The following PRTG variants were observed in gnomAD, a reference collection of about 807,000 sequenced individuals.
PRTG encodes protogenin.
Under a neutral mutation model 122.5 loss-of-function variants are expected in PRTG, and 67 were observed. The ratio of observed to expected loss-of-function variants is 0.55; its 90% confidence interval spans 0.45 to 0.67. The LOEUF is 0.67. Ranked by LOEUF, PRTG falls within the 30% of genes least tolerant of loss-of-function variation. The pLI is 0.00. For synonymous variants in PRTG, 554 were observed against 501.1 expected (o/e 1.11, Z -1.41); for missense variants, 1,435 against 1,415.4 (o/e 1.01, Z -0.22).
intron 2 of PRTG, among the ~76,000 whole-genome samples, chr15:55,699,258 G>A (rs2059648942): frequency 6.6e-6 from 1 of 152,094 alleles, no homozygotes; most frequent in Non-Finnish European, 1.5e-5. Context: ...CTGTTAAACT[G>A]TTAACTGTTA....
intron 2 of PRTG, among the ~76,000 whole-genome samples, chr15:55,708,361 C>A (rs62043872): frequency 4.6e-5 from 7 of 151,920 alleles, no homozygotes; most frequent in African/African-American, 1.7e-4. Flanking sequence ...GTAATCCCAG[C>A]ACTTTGGGAA....
intron 2 of PRTG, among the ~76,000 whole-genome samples, chr15:55,735,130 G>A (rs2031368406): frequency 6.6e-6 from 1 of 152,122 alleles, no homozygotes; most frequent in Admixed American, 6.6e-5. Flanking sequence ...AGTCTTGACT[G>A]ACAATGAAAA....
intron 11 of PRTG, among the ~76,000 whole-genome samples, chr15:55,653,986 T>A (rs2059367058): frequency 6.6e-6 from 1 of 152,246 alleles, no homozygotes; most frequent in Non-Finnish European, 1.5e-5. Context: ...GATGTCTAGA[T>A]AAGAAATATT....
intron 2 of PRTG, among the ~76,000 whole-genome samples, chr15:55,732,946 T>A (rs1241092285): frequency 6.6e-6 from 1 of 152,198 alleles, no homozygotes; most frequent in African/African-American, 2.4e-5. Flanking sequence ...ACGCAGTGGC[T>A]CATGCCTGTA....
intron 16 of PRTG, 60 bp downstream of exon 16, chr15:55,628,762 T>C: frequency 7.4e-7 from 1 of 1,353,624 alleles, no homozygotes; most frequent in Non-Finnish European, 1.0e-6. Context: ...AGAAATAATG[T>C]GTAAGGAAGA....
chr15:55,701,143 G>A (rs973727761), intron 2 of PRTG, among the ~76,000 whole-genome samples: 2 of 152,196 alleles, frequency 1.3e-5, no homozygotes, highest in Admixed American at 1.3e-4. Context: ...AGGATATGGA[G>A]TACCTGGAAC....
intron 10 of PRTG, among the ~76,000 whole-genome samples, chr15:55,672,984 A>G (rs2059481456): frequency 1.3e-5 from 2 of 152,312 alleles, no homozygotes; most frequent in South Asian, 2.1e-4. Flanking sequence ...GTCGTGTTAC[A>G]TTCCACGTTA....
intron 11 of PRTG, among the ~76,000 whole-genome samples, chr15:55,647,410 G>A (rs893979626): frequency 1.3e-5 from 2 of 152,146 alleles, no homozygotes; most frequent in Non-Finnish European, 2.9e-5. Context: ...CTAGAAAGAC[G>A]CAAATTTTAC....
intron 2 of PRTG, among the ~76,000 whole-genome samples, chr15:55,728,574 GA>G (rs1351146164): frequency 1.3e-5 from 2 of 152,072 alleles, no homozygotes; most frequent in Non-Finnish European, 2.9e-5. Flanking sequence ...TAAATACTTA[GA>G]AAACTAGGAA....
At chr15:55,707,504 G>A (rs2030178834) in intron 2 of PRTG, among the ~76,000 whole-genome samples, 1 of 152,174 alleles carries the variant, frequency 6.6e-6, no homozygotes, top group Admixed American at 6.5e-5. Flanking sequence ...AATGCGGAAT[G>A]CATACTTCCT....
chr15:55,624,517 T>G lies in PRTG; in HGVS notation c.2928-10A>C. The stretch of plus-strand genomic sequence containing the variant: ...GGAAGCAGATGATTTCCTAAAACAT[T>G]GGCAAGAAGAGGAAGTCTTCTAATT... On this transcript the variant is annotated splice_polypyrimidine_tract_variant and intron_variant, in intron 17 of 19. Transcript: ENST00000389286. 1.2e-6 allele frequency: 2 copies of G among 1,605,522 alleles called. No individual in the cohort carries two copies. The highest frequency in any genetic ancestry group is 1.7e-6 in the Non-Finnish European group (2 of 1,176,040).
chr15:55,726,764 C>G (rs538372772), intron 2 of PRTG, among the ~76,000 whole-genome samples: 1 of 151,316 alleles, frequency 6.6e-6, no homozygotes, highest in Non-Finnish European at 1.5e-5. Flanking sequence ...ACAACATATT[C>G]TTAACAAATG....
chr15:55,685,557 C>A (rs747255476), intron 2 of PRTG, among the ~76,000 whole-genome samples: 4 of 152,156 alleles, frequency 2.6e-5, no homozygotes, highest in Non-Finnish European at 5.9e-5. Context: ...GAGGCAGACA[C>A]ATATGAGAAC....
rs567198977 is a variant in PRTG at position 55,691,867 on chromosome 15, T to C, written c.398-7936A>G. Among the ~76,000 whole-genome samples, 6 of 151,818 alleles carry C rather than the reference T, an allele frequency of 4.0e-5. No individual in the cohort carries two copies. The South Asian group carries it at 1.3e-3, about 32-fold the overall frequency. Reference sequence around the variant, plus strand: ...GGGAAATAGGGCGAGACCCCGTCTCTACAAAAAAAAGTTTTAAAAATTAGC... The same window carrying C: ...GGGAAATAGGGCGAGACCCCGTCTCCACAAAAAAAAGTTTTAAAAATTAGC... On this transcript the variant is annotated intron_variant, in intron 2 of 19. Transcript: ENST00000389286.
chr15:55,681,540 T>C (rs1160569898), intron 4 of PRTG: 5 of 152,116 alleles, frequency 3.3e-5, no homozygotes, highest in Non-Finnish European at 5.9e-5. Flanking sequence ...ATATATAAAA[T>C]TGTGCTCGCT....
At position 55,657,326 on chromosome 15, in the gene PRTG, G is replaced by T. The variant is rs113202101; in HGVS notation, c.2041+15119C>A. 1.8e-4 allele frequency among the ~76,000 whole-genome samples: 27 copies of T among 152,244 alleles called. 1 individual carries two copies. Among genetic ancestry groups the T allele is most frequent in the Admixed American group, 6.5e-4 (10 of 15,290 alleles). On this transcript the variant is annotated intron_variant, in intron 11 of 19. Coordinates refer to ENST00000389286, the MANE Select transcript of PRTG (RefSeq NM_173814.6). ...GAGACTAAAGGTCATTTTATAAAAA[G>T]AGTGGACGTGTAGCTATTCAAGAAA...
intron 2 of PRTG, chr15:55,702,822 C>T (rs1249715675): frequency 2.8e-6 from 2 of 707,812 alleles, no homozygotes; most frequent in South Asian, 6.3e-5. Context: ...ACACACACAA[C>T]CTGAAAAGCC....
intron 2 of PRTG, among the ~76,000 whole-genome samples, chr15:55,710,041 C>T (rs561768608): frequency 8.9e-4 from 135 of 152,164 alleles, no homozygotes; most frequent in Non-Finnish European, 1.7e-3. Context: ...AAAAACCCGG[C>T]ATATGTGGGC....
rs139818265 is a variant in PRTG, at chr15:55,668,001, G to A, written c.2041+4444C>T. Among the ~76,000 whole-genome samples, 686 of 152,306 alleles carry A rather than the reference G, an allele frequency of 4.5e-3. 4 individuals carry two copies. The highest frequency in any genetic ancestry group is 0.016 in the African/African-American group (650 of 41,560). ...ACTCAGGACCCAGCTGAGGTAGGAG[G>A]ATTGCTTGAGCCTGGGAGACAGGTT... is the stretch of plus-strand genomic sequence containing the variant. On this transcript the variant is annotated intron_variant, in intron 11 of 19. Transcript: ENST00000389286.
Sources: allele counts gnomAD v4.1 joint callset (sites outside exome capture counted in the v4.1 genomes callset), GRCh38; gene constraint gnomAD v4.1.1; transcripts MANE v1.5; gene names NCBI Gene and HGNC (gene_info 2026-07-23, HGNC 2026-07-21).